Variants in GBP3 observed in about 807,000 individuals in gnomAD.
GBP3 encodes the protein guanylate-binding protein 3.
GBP3 carries 55 observed loss-of-function variants against 62.4 expected under a neutral mutation model. That is an observed-to-expected ratio of 0.88 (90% CI 0.71 to 1.10). The LOEUF (loss-of-function observed/expected upper bound fraction) is 1.10, where lower values mean the gene tolerates loss of function less well. GBP3 is among the 50% of genes least tolerant of loss of function. The pLI, the probability that GBP3 is intolerant of heterozygous loss-of-function variation, is 0.00. For missense variants in GBP3, 605 were observed against 690.6 expected, an observed-to-expected ratio of 0.88 and a Z score of 1.39; for synonymous variants, 208 against 259.2, an observed-to-expected ratio of 0.80 and a Z score of 1.90.
rs74766786 is a variant in GBP3, at chr1:89,008,437, C to T, written c.1659+510G>A. 4.3e-3 allele frequency among the ~76,000 whole-genome samples: 637 copies of T among 148,744 alleles called. 32 individuals are homozygous for T. The East Asian group carries it at 0.095, about 22-fold the overall frequency. ...AAACAGGCAGGAGTGGTAGACTGCCCTACAGGTGTGAGGGTTAGGGAGTCC... is the reference window on the plus strand; with the variant it reads ...AAACAGGCAGGAGTGGTAGACTGCCTTACAGGTGTGAGGGTTAGGGAGTCC... On this transcript the variant is annotated intron_variant, in intron 10 of 10. Transcript: ENST00000370481.
chr1:89,018,764 C>T (rs1005294083), intron 2 of GBP3, among the ~76,000 whole-genome samples: 2 of 152,186 alleles, frequency 1.3e-5, no homozygotes, highest in Non-Finnish European at 2.9e-5. Context: ...AACCTTCCCC[C>T]ACCCTCACTA....
In GBP3 at chr1:89,011,927, T is replaced by C; in HGVS notation, c.969A>G (p.Ser323=). ...AVLALAQIEN[S]AAVQKAIAHY... ...GGGCAATAGCCTTTTGCACTGCGGC[T>C]GAGTTCTCTATCTGGGCCAAGGCCA... Residue 323 remains serine, a synonymous_variant, in exon 7 of 11, where the codon TCA becomes TCG. Transcript: ENST00000370481. The C allele has an allele frequency of 6.8e-7, 1 of 1,462,498 alleles. No homozygotes were observed. The highest frequency in any genetic ancestry group is 2.3e-5 in the East Asian group (1 of 43,228). 90.6% of individuals were successfully genotyped at this position (1,462,498 alleles called of 1,614,324 possible).
chr1:89,008,789 TG>T, intron 10 of GBP3, 157 bp downstream of exon 10: 1 of 1,380,470 alleles, frequency 7.2e-7, no homozygotes, highest in Non-Finnish European at 9.6e-7. Flanking sequence ...ATGTAGGCAG[TG>T]GCCATTTCAA....
chr1:89,007,112 T>C lies in GBP3; in HGVS notation c.*612A>G, dbSNP rs775946822. On this transcript the variant is annotated 3_prime_UTR_variant, in exon 11 of 11. Transcript: ENST00000370481. ...ACATTAAGGTTATAATCTAGATGAA[T>C]TGAACAAGAAAGAAAAGATTTCTTC... 3 of 152,262 alleles carry C rather than the reference T, an allele frequency of 2.0e-5. No individual in the cohort carries two copies. Among genetic ancestry groups the C allele is most frequent in the Non-Finnish European group, 2.9e-5 (2 of 68,056 alleles). 9.4% of individuals were successfully genotyped at this position (152,262 alleles called of 1,614,324 possible). A position where few individuals can be genotyped will look rare whatever the true frequency, so the allele number is the denominator to read the frequency against.
chr1:89,019,185 T>C (rs1679048281), intron 2 of GBP3, among the ~76,000 whole-genome samples: 1 of 152,218 alleles, frequency 6.6e-6, no homozygotes, highest in South Asian at 2.1e-4. Flanking sequence ...TCAGCATTAT[T>C]TGTAATAGCC....
At chr1:89,021,544 A>ACACACAC (rs761151308) in intron 1 of GBP3, among the ~76,000 whole-genome samples, 5 of 140,942 alleles carry the variant, frequency 3.5e-5, no homozygotes, top group East Asian at 4.3e-4. Flanking sequence ...ACACACACAC[A>ACACACAC]CCCCAAAAAA....
At chr1:89,009,845 G>A (rs977995572) in intron 8 of GBP3, among the ~76,000 whole-genome samples, 8 of 152,282 alleles carry the variant, frequency 5.3e-5, no homozygotes, top group Middle Eastern at 3.4e-3. Flanking sequence ...GATAGAGGGA[G>A]GAAGAGAGGG....
In GBP3 at chr1:89,014,623, G is replaced by C. The variant is rs143589515; in HGVS notation, c.352C>G (p.Leu118Val). The C allele has an allele frequency of 8.1e-6, 13 of 1,613,990 alleles. No individual in the cohort carries two copies. The Admixed American group carries it at 1.8e-4, about 23-fold the overall frequency. The change falls in exon 4 of 11, where the codon CTG (leucine) becomes GTG (valine). Residue 118 changes from leucine (L) to valine (V), a missense_variant. Leu to Val is a conservative substitution (Grantham distance 32). Coordinates refer to ENST00000370481, the MANE Select transcript of GBP3 (RefSeq NM_018284.3). ...AGAGTGCTGCTCAGGAGGACGGCCA[G>C]GGTGAAGATCCAGGAGTCATTCTGG... is the stretch of plus-strand genomic sequence containing the variant. ...DNQNDSWIFT[L>V]AVLLSSTLVY...
chr1:89,021,498 A>ATG lies in GBP3; in HGVS notation c.-22-757_-22-756dup, dbSNP rs1215746003. Among the ~76,000 whole-genome samples, 5 of 87,358 alleles carry ATG rather than the reference A, an allele frequency of 5.7e-5. 1 individual carries two copies. Among genetic ancestry groups the ATG allele is most frequent in the African/African-American group, 2.3e-4 (5 of 21,568 alleles). 57.3% of individuals were successfully genotyped at this position (87,358 alleles called of 152,430 possible). A position where few individuals can be genotyped will look rare whatever the true frequency, so the allele number is the denominator to read the frequency against. ...TACTGAATGTTGCTAAGAAACACGCATGCGCGCGCGCGCACACACACACAC... is the reference window on the plus strand; with the variant it reads ...TACTGAATGTTGCTAAGAAACACGCATGTGCGCGCGCGCGCACACACACACAC... On this transcript the variant is annotated intron_variant, in intron 1 of 10. Coordinates refer to ENST00000370481, the MANE Select transcript of GBP3 (RefSeq NM_018284.3).
intron 1 of GBP3, 64 bp from the exon 2 acceptor site, chr1:89,020,807 CA>C (rs1430539027): frequency 2.7e-6 from 4 of 1,457,316 alleles, no homozygotes; most frequent in Non-Finnish European, 3.7e-6. Context: ...GATAGAGTCA[CA>C]GAATTCCCCA....
At position 89,008,512 on chromosome 1, in the gene GBP3, G is replaced by GA. The variant is rs568372946; in HGVS notation, c.1659+434dup. 2.8e-3 allele frequency among the ~76,000 whole-genome samples: 413 copies of GA among 147,208 alleles called. 1 individual carries two copies. Among genetic ancestry groups the GA allele is most frequent in the African/African-American group, 9.1e-3 (357 of 39,438 alleles). On this transcript the variant is annotated intron_variant, in intron 10 of 10. Coordinates refer to ENST00000370481, the MANE Select transcript of GBP3 (RefSeq NM_018284.3). ...AGCCAAAGTCATACTAGATGGGATA[G>GA]AAAAAATATTACTATGGATTCCACT...
chr1:89,017,215 G>A (rs1167340254), intron 2 of GBP3, among the ~76,000 whole-genome samples: 1 of 151,660 alleles, frequency 6.6e-6, no homozygotes, highest in East Asian at 1.9e-4. Context: ...CACATCTATA[G>A]TCAAAAAATT....
At position 89,011,795 on chromosome 1, in the gene GBP3, C is replaced by T. The variant is rs139351895; in HGVS notation, c.1101G>A (p.Met367Ile). 548 of 1,462,358 alleles carry T rather than the reference C, an allele frequency of 3.7e-4. 50 individuals are homozygous for T. The African/African-American group carries it at 6.5e-3, about 17-fold the overall frequency. The allele number at this position is 1,462,358 out of a possible 1,614,324, so 90.6% of individuals were successfully genotyped here. The change falls in exon 7 of 11, where the codon ATG (methionine) becomes ATA (isoleucine). Residue 367 changes from methionine to isoleucine, a missense_variant. Met to Ile is a conservative substitution (Grantham distance 10). Coordinates refer to ENST00000370481, the MANE Select transcript of GBP3 (RefSeq NM_018284.3). Reference protein sequence around the residue: ...VSEREATEVYMKNSFKDVDHL... With the variant: ...VSEREATEVYIKNSFKDVDHL... ...GGTCCACATCCTTGAAAGAGTTCTT[C>T]ATATAGACTTCAGTGGCCTCCCTCT...
Position 89,008,994 on chromosome 1 carries a change from C to T in GBP3, c.1612G>A (p.Ala538Thr). 6.2e-7 allele frequency: 1 copy of T among 1,614,146 alleles called. No homozygotes were observed. Among genetic ancestry groups the T allele is most frequent in the Non-Finnish European group, 8.5e-7 (1 of 1,179,978 alleles). Reference protein sequence around the residue: ...QLTEKMERERAQLLEEQEKTL... With the variant: ...QLTEKMERERTQLLEEQEKTL... ...TTCTCTTGCTCTTCCAGCAACTGGG[C>T]CCTCTCCCTCTCCATCTTCTCAGTC... Residue 538 changes from alanine to threonine, a missense_variant, in exon 10 of 11, where the codon GCC becomes ACC. Physicochemically the swap from Ala to Thr is moderately conservative, Grantham distance 58. This residue lies in a region of GBP3 where 160 missense variants were observed against 147.8 expected (regional missense o/e 1.08). Coordinates refer to ENST00000370481, the MANE Select transcript of GBP3 (RefSeq NM_018284.3).
chr1:89,014,323 T>C (rs1358118643), intron 4 of GBP3, 44 bp from the exon 5 acceptor site: 1 of 1,613,528 alleles, frequency 6.2e-7, no homozygotes, highest in South Asian at 1.1e-5. Flanking sequence ...AACAGGAACC[T>C]CATCCCATAT....
chr1:89,013,041 TG>T, intron 6 of GBP3, 143 bp downstream of exon 6: 1 of 785,822 alleles, frequency 1.3e-6, no homozygotes, highest in Non-Finnish European at 2.0e-6. Context: ...TTTTGCCATG[TG>T]GGCTAGGTTG....
chr1:89,010,763 T>A (rs1474900228), intron 8 of GBP3, 141 bp downstream of exon 8: 1 of 1,153,314 alleles, frequency 8.7e-7, no homozygotes, highest in African/African-American at 1.4e-5. Flanking sequence ...ACAGTCTCCC[T>A]CCCTGCATAT....
chr1:89,010,798 TA>T, intron 8 of GBP3, 105 bp downstream of exon 8: 2 of 1,332,880 alleles, frequency 1.5e-6, no homozygotes, highest in Non-Finnish European at 2.1e-6. Context: ...GCATGAATGT[TA>T]TACAGACAAA....
At chr1:89,021,861 G>GGGAGATGTCAGACAAA (rs1679253774) in intron 1 of GBP3, among the ~76,000 whole-genome samples, 2 of 144,126 alleles carry the variant, frequency 1.4e-5, no homozygotes, top group Non-Finnish European at 1.5e-5. Flanking sequence ...TGTCAGACAA[G>GGGAGATGTCAGACAAA]GTGATGAGTG....
Sources: gnomAD v4.1 joint callset for allele counts (sites outside exome capture counted in the v4.1 genomes callset) on GRCh38, gnomAD v4.1.1 for gene constraint, gnomAD v4.1.1 regional missense constraint, MANE v1.5 for transcripts, NCBI Gene and HGNC (gene_info 2026-07-23, HGNC 2026-07-21) for gene names.